SIRPG: variants seen among roughly 807,000 people sequenced by gnomAD.
SIRPG encodes the protein signal-regulatory protein gamma.
A neutral mutation model predicts 35.7 loss-of-function variants in SIRPG; 38 were observed. The observed-to-expected ratio is 1.06, with a 90% CI of 0.82 to 1.40. The LOEUF is 1.40. SIRPG is among the 40% of genes most tolerant of loss of function. The pLI is 0.00. For missense variants in SIRPG, 519 were observed against 483.0 expected (o/e 1.07, Z -0.70); for synonymous variants, 215 against 190.4 (o/e 1.13, Z -1.06).
chr20:1,655,318 T>C (rs2091968843), intron 1 of SIRPG, among the ~76,000 whole-genome samples: 1 of 152,188 alleles, frequency 6.6e-6, no homozygotes, highest in South Asian at 2.1e-4. Flanking sequence ...AAATGTAGCA[T>C]ATATGCACAA....
chr20:1,666,075 AG>A, the SIRPG span, among the ~76,000 whole-genome samples: 6 of 151,954 alleles, frequency 3.9e-5, no homozygotes, highest in Non-Finnish European at 5.9e-5. Context: ...CTGTAGGCCC[AG>A]GCTAATGTGC....
chr20:1,633,908 T>G (rs1280378201), intron 4 of SIRPG, among the ~76,000 whole-genome samples: 1 of 152,216 alleles, frequency 6.6e-6, no homozygotes, highest in African/African-American at 2.4e-5. Context: ...CATTTTAGGC[T>G]GATACTGACC....
At chr20:1,643,485 A>C (rs952746110) in intron 2 of SIRPG, among the ~76,000 whole-genome samples, 1 of 152,002 alleles carries the variant, frequency 6.6e-6, no homozygotes, top group South Asian at 2.1e-4. Flanking sequence ...TTTTATTAAG[A>C]TTCTTAGCTT....
chr20:1,656,914 C>T (rs1319948502), intron 1 of SIRPG, among the ~76,000 whole-genome samples: 3 of 152,098 alleles, frequency 2.0e-5, no homozygotes, highest in African/African-American at 7.2e-5. Flanking sequence ...CTTGGCGATG[C>T]CCTTGAGCAG....
intron 1 of SIRPG, among the ~76,000 whole-genome samples, chr20:1,652,373 T>G (rs747318275): frequency 6.6e-6 from 1 of 152,218 alleles, no homozygotes; most frequent in Non-Finnish European, 1.5e-5. Flanking sequence ...AATTAAAATT[T>G]GTCAGGTGCA....
chr20:1,649,660 A>C (rs866548118), intron 1 of SIRPG, among the ~76,000 whole-genome samples: 16 of 86,806 alleles, frequency 1.8e-4, no homozygotes, highest in Middle Eastern at 9.8e-3. Flanking sequence ...TTTTTGAGAG[A>C]GGGTCCTGTT....
intron 2 of SIRPG, 61 bp from the exon 3 acceptor site, chr20:1,636,566 T>C (rs2091804974): frequency 6.6e-7 from 1 of 1,520,784 alleles, no homozygotes; most frequent in East Asian, 2.3e-5. Context: ...TAACGATGAG[T>C]GTGTGACACT....
At chr20:1,641,069 TC>T (rs2091848309) in intron 2 of SIRPG, among the ~76,000 whole-genome samples, 1 of 152,196 alleles carries the variant, frequency 6.6e-6, no homozygotes, top group African/African-American at 2.4e-5. Flanking sequence ...CCTGATGTTT[TC>T]TTTTTTTGTT....
At chr20:1,673,521 T>G in the SIRPG span, among the ~76,000 whole-genome samples, 1 of 151,232 alleles carries the variant, frequency 6.6e-6, no homozygotes, top group Non-Finnish European at 1.5e-5. Context: ...TCATTACTGC[T>G]TCTAAATCTA....
the SIRPG span, among the ~76,000 whole-genome samples, chr20:1,672,141 C>G: frequency 6.6e-6 from 1 of 152,280 alleles, no homozygotes; most frequent in South Asian, 2.1e-4. Flanking sequence ...CATCCAGCTC[C>G]TCTTCTGTAA....
chr20:1,642,209 A>G (rs2091857959), intron 2 of SIRPG, among the ~76,000 whole-genome samples: 1 of 152,284 alleles, frequency 6.6e-6, no homozygotes, highest in African/African-American at 2.4e-5. Context: ...GTCTCCCACT[A>G]TTATTGTGTG....
At chr20:1,663,548 G>A in the SIRPG span, among the ~76,000 whole-genome samples, 1 of 152,206 alleles carries the variant, frequency 6.6e-6, no homozygotes, top group Non-Finnish European at 1.5e-5. Context: ...ACTGTTGGAA[G>A]CTTGAAACTG....
the SIRPG span, among the ~76,000 whole-genome samples, chr20:1,665,910 A>T: frequency 1.3e-5 from 2 of 151,952 alleles, no homozygotes; most frequent in African/African-American, 2.4e-5. Flanking sequence ...GATATATATA[A>T]AAAAAAGAGC....
the SIRPG span, among the ~76,000 whole-genome samples, chr20:1,681,716 G>C: frequency 6.6e-6 from 1 of 152,102 alleles, no homozygotes; most frequent in Non-Finnish European, 1.5e-5. Flanking sequence ...CACCCCTGTG[G>C]TCCCAGCTAT....
At chr20:1,639,746 G>T (rs57344833) in intron 2 of SIRPG, among the ~76,000 whole-genome samples, 20,636 of 152,128 alleles carry the variant, frequency 0.14, 1,565 homozygotes, top group Non-Finnish European at 0.16. Flanking sequence ...GGGTTTTTAT[G>T]GTTTTGGGTT....
intron 5 of SIRPG, 65 bp from the exon 6 acceptor site, chr20:1,629,701 T>C (rs1568720622): frequency 6.5e-6 from 1 of 154,328 alleles, no homozygotes; most frequent in East Asian, 1.9e-4. Flanking sequence ...CCTGAGAGTC[T>C]GTTATGTTCT....
At chr20:1,661,206 C>T (rs955559093), upstream of SIRPG, among the ~76,000 whole-genome samples, 3 of 152,102 alleles carry the variant, frequency 2.0e-5, no homozygotes, top group African/African-American at 4.8e-5. Flanking sequence ...GTGTGACAAC[C>T]TTGGCCAGTG....
chr20:1,666,245 A>C, the SIRPG span: 2 of 152,248 alleles, frequency 1.3e-5, no homozygotes, highest in Non-Finnish European at 1.5e-5. Context: ...GTTGTTACTA[A>C]TAAGTAAAGT....
At chr20:1,637,890 C>T (rs1014622022) in intron 2 of SIRPG, 9 of 152,192 alleles carry the variant, frequency 5.9e-5, no homozygotes, top group Admixed American at 4.6e-4. Flanking sequence ...GAGTCCTAAA[C>T]GTGTCTCCAA....
Sources: gnomAD v4.1 joint callset for allele counts (sites outside exome capture counted in the v4.1 genomes callset) on GRCh38, gnomAD v4.1.1 for gene constraint, MANE v1.5 for transcripts, NCBI Gene and HGNC (gene_info 2026-07-23, HGNC 2026-07-21) for gene names.